Variants in MED13L observed in about 807,000 individuals in gnomAD.
MED13L encodes mediator of RNA polymerase II transcription subunit 13-like.
MED13L carries 7 observed loss-of-function variants against 220.9 expected under a neutral mutation model. The observed-to-expected ratio is 0.03, with a 90% CI of 0.02 to 0.06. The LOEUF is 0.06. Among genes scored for constraint, MED13L ranks in the 10% least tolerant of loss-of-function variants. The pLI, the probability that MED13L is intolerant of heterozygous loss-of-function variation, is 1.00. For missense variants in MED13L, 1,965 were observed against 2,760.5 expected, an observed-to-expected ratio of 0.71 and a Z score of 6.46; for synonymous variants, 1,011 against 1,015.2, an observed-to-expected ratio of 1.00 and a Z score of 0.08.
intron 1 of MED13L, among the ~76,000 whole-genome samples, chr12:116,259,183 AC>A (rs1872306200): frequency 6.6e-6 from 1 of 152,208 alleles, no homozygotes; most frequent in East Asian, 1.9e-4. Context: ...CTGCTCAAAA[AC>A]ATAATAAAAA....
At chr12:116,110,671 G>A (rs1002485511) in intron 3 of MED13L, among the ~76,000 whole-genome samples, 11 of 151,452 alleles carry the variant, frequency 7.3e-5, no homozygotes, top group East Asian at 3.9e-4. Context: ...AGTTTATAGC[G>A]GAGAAACTTG....
rs923159422 is a variant in MED13L at position 115,960,401 on chromosome 12, A to G, written c.*865T>C. 1 of 152,658 alleles carries G rather than the reference A, an allele frequency of 6.6e-6. No homozygotes were observed. 9.5% of individuals were successfully genotyped at this position (152,658 alleles called of 1,614,324 possible). ...CTTCTGTATAAAAATGTTATCCTTCATGAAATGCTGGCCACTTAACATGGC... is the reference window on the plus strand; with the variant it reads ...CTTCTGTATAAAAATGTTATCCTTCGTGAAATGCTGGCCACTTAACATGGC... On this transcript the variant is annotated 3_prime_UTR_variant, in exon 31 of 31. Transcript: ENST00000281928.
At chr12:116,018,649 A>G (rs999572188) in intron 7 of MED13L, among the ~76,000 whole-genome samples, 1 of 152,318 alleles carries the variant, frequency 6.6e-6, no homozygotes, top group South Asian at 2.1e-4. Context: ...CAATTTAAAC[A>G]ATTTCTGAAT....
At position 116,132,443 on chromosome 12, in the gene MED13L, A is replaced by G. The variant is rs150309467; in HGVS notation, c.311-20931T>C. Among the ~76,000 whole-genome samples the G allele has an allele frequency of 9.8e-3, 1,499 of 152,294 alleles. 26 individuals carry two copies. The highest frequency in any genetic ancestry group is 0.034 in the African/African-American group (1,406 of 41,556). On this transcript the variant is annotated intron_variant, in intron 2 of 30. Coordinates refer to ENST00000281928, the MANE Select transcript of MED13L (RefSeq NM_015335.5). ...TAATACCATTCTCTAAGTCTAAAGC[A>G]CAAAATCTCTTTTAAAATATTATCG...
intron 2 of MED13L, among the ~76,000 whole-genome samples, chr12:116,120,477 T>TCTCA (rs1257256737): frequency 0.017 from 1,323 of 79,430 alleles, 11 homozygotes; most frequent in Middle Eastern, 0.024. Flanking sequence ...TCTCTCTCTC[T>TCTCA]CACACACACA....
Position 116,196,393 on chromosome 12 carries a change from A to T in MED13L, c.310+41075T>A, listed in dbSNP as rs77756507. ...AGGTGCAATTAACAAAAAAAAAAAA[A>T]GTCTGACTGGCCCAGTCTTCGGCTT... On this transcript the variant is annotated intron_variant, in intron 2 of 30. Coordinates refer to ENST00000281928, the MANE Select transcript of MED13L (RefSeq NM_015335.5). 4.6e-3 allele frequency among the ~76,000 whole-genome samples: 695 copies of T among 152,118 alleles called. 16 individuals are homozygous for T. Among genetic ancestry groups the T allele is most frequent in the Admixed American group, 0.042 (638 of 15,290 alleles).
At chr12:116,034,085 T>C (rs1566022206) in intron 4 of MED13L, among the ~76,000 whole-genome samples, 1 of 152,056 alleles carries the variant, frequency 6.6e-6, no homozygotes, top group African/African-American at 2.4e-5. Context: ...AACCCCTATT[T>C]ATATTTTCCA....
intron 2 of MED13L, among the ~76,000 whole-genome samples, chr12:116,204,996 T>C (rs1230861726): frequency 6.6e-6 from 1 of 152,176 alleles, no homozygotes; most frequent in Non-Finnish European, 1.5e-5. Context: ...TCTCCTCTGG[T>C]GGCTACCTAG....
At chr12:115,985,098 C>T (rs1877597096) in intron 19 of MED13L, among the ~76,000 whole-genome samples, 3 of 152,006 alleles carry the variant, frequency 2.0e-5, no homozygotes, top group South Asian at 4.1e-4. Flanking sequence ...CAATTACTGC[C>T]GAATAAGCAA....
intron 2 of MED13L, among the ~76,000 whole-genome samples, chr12:116,168,769 C>T (rs1879467161): frequency 6.6e-6 from 1 of 152,108 alleles, no homozygotes; most frequent in African/African-American, 2.4e-5. Flanking sequence ...GTCTCAAACT[C>T]CTTGGTTTTG....
rs148227064 is a variant in MED13L at position 116,048,911 on chromosome 12, G to A, written c.480-26310C>T. Among the ~76,000 whole-genome samples the A allele has an allele frequency of 3.9e-3, 594 of 152,210 alleles. 1 individual carries two copies. The highest frequency in any genetic ancestry group is 0.01 in the Middle Eastern group (3 of 292). ...TCTCTACTTAAACCTTGTTCCCAAG[G>A]AAACAGCTAATGTCTCAATATCAGA... On this transcript the variant is annotated intron_variant, in intron 4 of 30. Coordinates refer to ENST00000281928, the MANE Select transcript of MED13L (RefSeq NM_015335.5).
At position 116,008,623 on chromosome 12, in the gene MED13L, T is replaced by C; in HGVS notation, c.1790A>G (p.Asp597Gly). The change falls in exon 10 of 31, where the codon GAC becomes GGC. Residue 597 changes from aspartate (D) to glycine (G), a missense_variant. By Grantham distance (94) the Asp-to-Gly change is moderately conservative (BLOSUM62 -1). This residue lies in a region of MED13L where 818 missense variants were observed against 1,041.2 expected (regional missense o/e 0.79). Coordinates refer to ENST00000281928, the MANE Select transcript of MED13L (RefSeq NM_015335.5). ...LELQQLSTLDDRTVLVGQRLP... is the reference protein window; with the variant it reads ...LELQQLSTLDGRTVLVGQRLP... ...TCTTTGGCCTACGAGGACAGTTCTG[T>C]CATCCAGAGTAGACAACTGCTGGAG... The C allele has an allele frequency of 6.2e-7, 1 of 1,614,108 alleles. No homozygotes were observed. Among genetic ancestry groups the C allele is most frequent in the Non-Finnish European group, 8.5e-7 (1 of 1,180,006 alleles).
chr12:116,129,335 G>A (rs1242046044), intron 2 of MED13L, among the ~76,000 whole-genome samples: 2 of 152,136 alleles, frequency 1.3e-5, no homozygotes, highest in Non-Finnish European at 1.5e-5. Context: ...GAAATACAAT[G>A]GCTCTTTTAA....
chr12:115,991,877 C>G lies in MED13L; in HGVS notation c.3077G>C (p.Ser1026Thr), dbSNP rs1241674198. 6.2e-7 allele frequency: 1 copy of G among 1,605,180 alleles called. No homozygotes were observed. The highest frequency in any genetic ancestry group is 1.1e-5 in the South Asian group (1 of 91,074). ...CCCACTATTGCTGGCTGGGGCAGCG[C>G]TGTTCAACGTCACGGGTGTGTTCAT... Reference protein sequence around the residue: ...PQMNTPVTLNSAAPASNSGAG... With the variant: ...PQMNTPVTLNTAAPASNSGAG... The change falls in exon 17 of 31, where the codon AGC becomes ACC. Residue 1026 changes from serine (S) to threonine (T), a missense_variant. This residue lies in a region of MED13L where 233 missense variants were observed against 306.2 expected (regional missense o/e 0.76). Coordinates refer to ENST00000281928, the MANE Select transcript of MED13L (RefSeq NM_015335.5). This position sits in a 1 kb window ranked among gnomAD's most constrained non-coding sequence, Gnocchi z 7.7.
intron 1 of MED13L, among the ~76,000 whole-genome samples, chr12:116,268,808 T>A (rs533126265): frequency 9.8e-5 from 15 of 152,308 alleles, no homozygotes; most frequent in African/African-American, 3.4e-4. Flanking sequence ...AGTCTGTCAC[T>A]CCAATTTAAT....
At chr12:116,107,126 C>T (rs767138153) in intron 3 of MED13L, among the ~76,000 whole-genome samples, 2 of 152,166 alleles carry the variant, frequency 1.3e-5, no homozygotes, top group South Asian at 2.1e-4. Context: ...ACTGGCAGAA[C>T]TGAGACCCAA....
rs1355013011 is a variant in MED13L, at chr12:116,031,740, GAAAA to G, written c.480-9143_480-9140del. ...GAAAAGAAAAGAAAAGAAAAGAAAA[GAAAA>G]GAAAAGAAAAGAAAAGAAGGAAGGA... On this transcript the variant is annotated intron_variant, in intron 4 of 30. Transcript: ENST00000281928. Among the ~76,000 whole-genome samples, 541 of 60,618 alleles carry G rather than the reference GAAAA, an allele frequency of 8.9e-3. 15 individuals carry two copies. Among genetic ancestry groups the G allele is most frequent in the African/African-American group, 0.026 (278 of 10,754 alleles). The allele number at this position is 60,618 out of a possible 152,430, so 39.8% of individuals were successfully genotyped here. A position where few individuals can be genotyped will look rare whatever the true frequency, so the allele number is the denominator to read the frequency against.
At chr12:116,144,617 T>C (rs1877333125) in intron 2 of MED13L, among the ~76,000 whole-genome samples, 1 of 152,188 alleles carries the variant, frequency 6.6e-6, no homozygotes, top group Non-Finnish European at 1.5e-5. Context: ...CAGAGTACAT[T>C]TTCTGAAACT....
Position 115,997,231 on chromosome 12 carries a change from C to T in MED13L, c.2570-1G>A. The T allele has an allele frequency of 6.2e-7, 1 of 1,613,512 alleles. No homozygotes were observed. The highest frequency in any genetic ancestry group is 8.5e-7 in the Non-Finnish European group (1 of 1,179,744). On this transcript the variant is annotated splice_acceptor_variant, in intron 14 of 30. Transcript: ENST00000281928. LOFTEE classifies it high-confidence loss of function. ...AACATCCTTTGCAAGTCTGCAACTG[C>T]TAAAAATAAGAAATAAAAAAAATTT...
Sources: allele counts gnomAD v4.1 joint callset (sites outside exome capture counted in the v4.1 genomes callset), GRCh38; gene constraint gnomAD v4.1.1; regional missense constraint gnomAD v4.1.1; non-coding constraint Gnocchi (gnomAD v3.1); transcripts MANE v1.5; gene names NCBI Gene and HGNC (gene_info 2026-07-23, HGNC 2026-07-21).